The following DDX10 variants were observed in gnomAD, a reference collection of about 807,000 sequenced individuals.
DDX10 encodes the protein probable ATP-dependent RNA helicase DDX10.
In DDX10, 74 loss-of-function variants were observed where a neutral mutation model predicts 104.3. That is an observed-to-expected ratio of 0.71 (90% CI 0.59 to 0.86). The LOEUF (loss-of-function observed/expected upper bound fraction) is 0.86. Among genes scored for constraint, DDX10 ranks in the 40% least tolerant of loss-of-function variants. The pLI is 0.00. For synonymous variants in DDX10, 351 were observed against 353.4 expected (o/e 0.99, Z 0.08); for missense variants, 952 against 1,040.0 (o/e 0.92, Z 1.16).
intron 13 of DDX10, among the ~76,000 whole-genome samples, chr11:108,756,730 A>C (rs1396011782): frequency 6.6e-6 from 1 of 152,044 alleles, no homozygotes; most frequent in African/African-American, 2.4e-5. Flanking sequence ...AAAGCAAATA[A>C]GGTAGTGTTC....
At chr11:108,816,405 A>G (rs1268679048) in intron 13 of DDX10, among the ~76,000 whole-genome samples, 2 of 152,108 alleles carry the variant, frequency 1.3e-5, no homozygotes, top group East Asian at 3.9e-4. Flanking sequence ...CAGACCAAGA[A>G]CCCGTGAGTT....
intron 13 of DDX10, among the ~76,000 whole-genome samples, chr11:108,777,937 A>G (rs1291940496): frequency 6.6e-6 from 1 of 152,212 alleles, no homozygotes; most frequent in Non-Finnish European, 1.5e-5. Context: ...GTGAACTCCC[A>G]TTCATAATTG....
chr11:108,835,569 AG>A (rs1254406648), intron 13 of DDX10, among the ~76,000 whole-genome samples: 1 of 152,254 alleles, frequency 6.6e-6, no homozygotes, highest in Non-Finnish European at 1.5e-5. Context: ...AACACAGGAA[AG>A]AAGCAGCGAA....
intron 13 of DDX10, among the ~76,000 whole-genome samples, chr11:108,825,156 A>G (rs1862379028): frequency 6.6e-6 from 1 of 152,216 alleles, no homozygotes; most frequent in South Asian, 2.1e-4. Flanking sequence ...AATGCTATAA[A>G]GAGGTGTCTT....
At chr11:108,765,449 A>C (rs892669230) in intron 13 of DDX10, among the ~76,000 whole-genome samples, 1 of 152,226 alleles carries the variant, frequency 6.6e-6, no homozygotes, top group African/African-American at 2.4e-5. Flanking sequence ...ACTAGATGAC[A>C]AGAGACTATT....
intron 13 of DDX10, among the ~76,000 whole-genome samples, chr11:108,771,689 C>A (rs892172851): frequency 2.0e-5 from 3 of 152,054 alleles, no homozygotes; most frequent in Admixed American, 6.5e-5. Flanking sequence ...GTGGGATGGT[C>A]TCTTATTGTT....
At chr11:108,932,437 A>G (rs2134676352) in intron 17 of DDX10, among the ~76,000 whole-genome samples, 1 of 152,094 alleles carries the variant, frequency 6.6e-6, no homozygotes, top group East Asian at 1.9e-4. Flanking sequence ...TGGGCAACAT[A>G]GCAAGACCCC....
intron 6 of DDX10, among the ~76,000 whole-genome samples, chr11:108,684,264 C>T (rs568049916): frequency 7.2e-6 from 1 of 139,632 alleles, no homozygotes; most frequent in East Asian, 2.3e-4. Context: ...CATATGTATA[C>T]ATGTGCCATG....
chr11:108,753,440 T>C (rs181064622), intron 13 of DDX10, among the ~76,000 whole-genome samples: 17 of 152,200 alleles, frequency 1.1e-4, no homozygotes, highest in Admixed American at 6.6e-4. Context: ...AACAGCATGG[T>C]ACATATTATG....
At chr11:108,876,400 C>G (rs1485632015) in intron 16 of DDX10, among the ~76,000 whole-genome samples, 3 of 152,060 alleles carry the variant, frequency 2.0e-5, no homozygotes, top group African/African-American at 7.2e-5. Flanking sequence ...GACTTCAAAC[C>G]TTTTTTCCCT....
At chr11:108,799,972 G>A (rs1036209238) in intron 13 of DDX10, among the ~76,000 whole-genome samples, 7 of 151,950 alleles carry the variant, frequency 4.6e-5, no homozygotes, top group East Asian at 1.9e-4. Flanking sequence ...AGGCTGAAGC[G>A]CAGTGGCACC....
chr11:108,732,508 G>A (rs755488516), intron 13 of DDX10, among the ~76,000 whole-genome samples: 4 of 152,120 alleles, frequency 2.6e-5, no homozygotes, highest in Admixed American at 6.6e-5. Context: ...TTTAGACTTC[G>A]GCGTAAATGG....
At chr11:108,670,274 T>C (rs1189113038) in intron 1 of DDX10, among the ~76,000 whole-genome samples, 5 of 151,918 alleles carry the variant, frequency 3.3e-5, no homozygotes, top group Admixed American at 6.6e-5. Flanking sequence ...ACTGGAGCTT[T>C]AGGGGTTACA....
chr11:108,929,551 T>C (rs1489934240), intron 17 of DDX10: 2 of 152,232 alleles, frequency 1.3e-5, no homozygotes, highest in Non-Finnish European at 2.9e-5. Flanking sequence ...CTGATTGTGA[T>C]ACTGACTTCA....
At chr11:108,934,187 A>G (rs1418667179) in intron 17 of DDX10, among the ~76,000 whole-genome samples, 1 of 152,234 alleles carries the variant, frequency 6.6e-6, no homozygotes, top group Non-Finnish European at 1.5e-5. Flanking sequence ...TAGAAGCCCT[A>G]GAAAACATAG....
intron 13 of DDX10, among the ~76,000 whole-genome samples, chr11:108,778,211 A>G (rs1317965571): frequency 6.6e-6 from 1 of 152,182 alleles, no homozygotes; most frequent in Admixed American, 6.5e-5. Context: ...TTCATATGGA[A>G]CCAAAAAAGA....
intron 13 of DDX10, among the ~76,000 whole-genome samples, chr11:108,785,283 A>G (rs1157328477): frequency 6.6e-6 from 1 of 152,098 alleles, no homozygotes; most frequent in Non-Finnish European, 1.5e-5. Context: ...AGCCTGTTTT[A>G]TTGTGGTGAG....
intron 16 of DDX10, among the ~76,000 whole-genome samples, chr11:108,909,500 G>C (rs1040921983): frequency 2.0e-5 from 3 of 150,752 alleles, no homozygotes; most frequent in Non-Finnish European, 4.4e-5. Flanking sequence ...CCCTTCCCTT[G>C]TCCTGTGCCT....
At chr11:108,741,275 T>C (rs904179510) in intron 13 of DDX10, among the ~76,000 whole-genome samples, 6 of 152,194 alleles carry the variant, frequency 3.9e-5, no homozygotes, top group Non-Finnish European at 7.3e-5. Flanking sequence ...TAGGATTGCC[T>C]TGTCTATTTG....
Sources: allele counts gnomAD v4.1 joint callset (sites outside exome capture counted in the v4.1 genomes callset), GRCh38; gene constraint gnomAD v4.1.1; transcripts MANE v1.5; gene names NCBI Gene and HGNC (gene_info 2026-07-23, HGNC 2026-07-21).